UNC5C: variants seen among roughly 807,000 people sequenced by gnomAD.
The protein encoded by UNC5C is unc-5 netrin receptor C.
UNC5C carries 47 observed loss-of-function variants against 99.8 expected under a neutral mutation model. That is an observed-to-expected ratio of 0.47 (90% CI 0.37 to 0.60). The LOEUF (loss-of-function observed/expected upper bound fraction) is 0.60. UNC5C is among the 20% of genes least tolerant of loss of function. The pLI, the probability that UNC5C is intolerant of heterozygous loss-of-function variation, is 0.00. For missense variants in UNC5C, 1,062 were observed against 1,165.9 expected (o/e 0.91, Z 1.30); for synonymous variants, 487 against 452.2 (o/e 1.08, Z -0.98).
chr4:95,213,484 C>T (rs1405924059), intron 10 of UNC5C, among the ~76,000 whole-genome samples: 1 of 152,208 alleles, frequency 6.6e-6, no homozygotes, highest in Non-Finnish European at 1.5e-5. Context: ...CCGCTTGTCC[C>T]ATCTCTGTGG....
chr4:95,181,070 A>G (rs1004125588), intron 14 of UNC5C, among the ~76,000 whole-genome samples: 3 of 152,106 alleles, frequency 2.0e-5, no homozygotes, highest in Non-Finnish European at 4.4e-5. Flanking sequence ...AATGCTAACC[A>G]CAACAGTGGG....
At chr4:95,269,404 G>A (rs377722906) in intron 4 of UNC5C, among the ~76,000 whole-genome samples, 158 of 152,096 alleles carry the variant, frequency 1.0e-3, no homozygotes, top group African/African-American at 3.7e-3. Context: ...GAGTGATCCT[G>A]CCACCTCAGT....
chr4:95,176,216 A>T (rs1736336227), intron 14 of UNC5C, among the ~76,000 whole-genome samples: 1 of 152,134 alleles, frequency 6.6e-6, no homozygotes, highest in South Asian at 2.1e-4. Context: ...GAGTAATTTG[A>T]TCATCTGAAG....
rs1315445305 is a variant in UNC5C, at chr4:95,356,208, A to AC, written c.125-20578_125-20577insG. On this transcript the variant is annotated intron_variant, in intron 1 of 15. Transcript: ENST00000453304. ...GACCCTGTAGCAAAAAAAAAAAAAA[A>AC]AAAACAAAACAAAAAAAAAACAGAT... Among the ~76,000 whole-genome samples the AC allele has an allele frequency of 2.7e-4, 36 of 131,414 alleles. 2 individuals carry two copies. Among genetic ancestry groups the AC allele is most frequent in the Middle Eastern group, 7.6e-3 (2 of 264 alleles). 86.2% of individuals were successfully genotyped at this position (131,414 alleles called of 152,430 possible). A position where few individuals can be genotyped will look rare whatever the true frequency, so the allele number is the denominator to read the frequency against.
chr4:95,448,221 T>TGAGAGAGA (rs1284671236), intron 1 of UNC5C, among the ~76,000 whole-genome samples: 5 of 111,360 alleles, frequency 4.5e-5, no homozygotes, highest in African/African-American at 1.8e-4. Context: ...TGTGTGTGTG[T>TGAGAGAGA]GTGTGTGAGA....
At chr4:95,179,185 CT>C (rs910991952) in intron 14 of UNC5C, among the ~76,000 whole-genome samples, 1 of 152,154 alleles carries the variant, frequency 6.6e-6, no homozygotes, top group African/African-American at 2.4e-5. Flanking sequence ...CCTGAAACAA[CT>C]TTCTATTCTG....
intron 2 of UNC5C, among the ~76,000 whole-genome samples, chr4:95,332,966 A>G (rs80212017): frequency 0.39 from 59,534 of 152,052 alleles, 13,519 homozygotes; most frequent in East Asian, 0.83. Context: ...AAACACACGA[A>G]AAAAGGCTCA....
At chr4:95,214,907 G>GA (rs1396654689) in intron 10 of UNC5C, among the ~76,000 whole-genome samples, 2 of 152,126 alleles carry the variant, frequency 1.3e-5, no homozygotes, top group Non-Finnish European at 2.9e-5. Context: ...CATTGGGAAT[G>GA]AAAAAAATGA....
chr4:95,414,303 C>T (rs144568140), intron 1 of UNC5C, among the ~76,000 whole-genome samples: 7 of 151,708 alleles, frequency 4.6e-5, no homozygotes, highest in East Asian at 3.9e-4. Flanking sequence ...GTCATACTGA[C>T]GAAGAAATTA....
rs376083297 is a variant in UNC5C, at chr4:95,219,311, G to T, written c.1303C>A (p.Leu435Met). Residue 435 changes from leucine (L) to methionine (M), a missense_variant and splice_region_variant, in exon 9 of 16, where the codon CTG (leucine) becomes ATG (methionine). Physicochemically the swap from Leu to Met is conservative, Grantham distance 15. This residue lies in a region of UNC5C where 810 missense variants were observed against 854.5 expected (regional missense o/e 0.95). Coordinates refer to ENST00000453304, the MANE Select transcript of UNC5C (RefSeq NM_003728.4). ...GTGAGGTCTGGGGGTACAGCCAGCA[G>T]ATCTGAGTCAGAAAGAGAAAATAAT... is the stretch of plus-strand genomic sequence containing the variant. ...PVNIKAARQD[L>M]LAVPPDLTSA... 6.2e-7 allele frequency: 1 copy of T among 1,611,812 alleles called. No individual in the cohort carries two copies. Among genetic ancestry groups the T allele is most frequent in the African/African-American group, 1.3e-5 (1 of 74,852 alleles).
chr4:95,431,627 G>A (rs1746638780), intron 1 of UNC5C, among the ~76,000 whole-genome samples: 1 of 151,966 alleles, frequency 6.6e-6, no homozygotes, highest in South Asian at 2.1e-4. Context: ...CTCTCTAGGT[G>A]GTTTTCCTTT....
chr4:95,452,752 T>C (rs1578171840), intron 1 of UNC5C, among the ~76,000 whole-genome samples: 1 of 152,146 alleles, frequency 6.6e-6, no homozygotes, highest in Admixed American at 6.5e-5. Context: ...CACATGAGCA[T>C]TGAGGTTTAA....
intron 1 of UNC5C, among the ~76,000 whole-genome samples, chr4:95,411,554 A>G (rs769885772): frequency 2.0e-5 from 3 of 152,216 alleles, no homozygotes; most frequent in African/African-American, 7.2e-5. Flanking sequence ...GTTTAGCATC[A>G]GGCTGTTTTG....
At chr4:95,472,539 G>A (rs917124198) in intron 1 of UNC5C, among the ~76,000 whole-genome samples, 3 of 152,066 alleles carry the variant, frequency 2.0e-5, no homozygotes, top group African/African-American at 7.2e-5. Context: ...GTGAGCACAT[G>A]AAAACCGAGG....
intron 3 of UNC5C, among the ~76,000 whole-genome samples, chr4:95,299,750 T>G (rs555128503): frequency 6.6e-6 from 1 of 152,298 alleles, no homozygotes; most frequent in Admixed American, 6.5e-5. Flanking sequence ...TGAGACTTAT[T>G]CACCATCATA....
intron 1 of UNC5C, among the ~76,000 whole-genome samples, chr4:95,471,136 C>T (rs562425914): frequency 2.0e-4 from 21 of 106,430 alleles, no homozygotes; most frequent in African/African-American, 7.0e-4. Context: ...TCTATGAGGG[C>T]GGGGTGGGGG....
intron 1 of UNC5C, among the ~76,000 whole-genome samples, chr4:95,471,227 T>C (rs1374758991): frequency 6.6e-6 from 1 of 152,092 alleles, no homozygotes; most frequent in Admixed American, 6.6e-5. Flanking sequence ...TGTTTGAAAT[T>C]GGATGAATAA....
At chr4:95,526,940 A>G (rs1049251893) in intron 1 of UNC5C, among the ~76,000 whole-genome samples, 2 of 152,128 alleles carry the variant, frequency 1.3e-5, no homozygotes, top group African/African-American at 4.8e-5. Flanking sequence ...TATTAAAAGA[A>G]TATGTAGCAC....
chr4:95,248,417 G>T, intron 5 of UNC5C: 1 of 376,486 alleles, frequency 2.7e-6, no homozygotes, highest in Non-Finnish European at 5.2e-6. Flanking sequence ...GCTAAAAGAA[G>T]ATTAAGAGTT....
Sources: allele counts gnomAD v4.1 joint callset (sites outside exome capture counted in the v4.1 genomes callset), GRCh38; gene constraint gnomAD v4.1.1; regional missense constraint gnomAD v4.1.1; transcripts MANE v1.5; gene names NCBI Gene and HGNC (gene_info 2026-07-23, HGNC 2026-07-21).